ERC2: variants seen among roughly 807,000 people sequenced by gnomAD.
The protein encoded by ERC2 is ELKS/RAB6-interacting/CAST family member 2.
A neutral mutation model predicts 114.8 loss-of-function variants in ERC2; 42 were observed. The observed-to-expected ratio is 0.37, with a 90% CI of 0.29 to 0.47. The LOEUF (loss-of-function observed/expected upper bound fraction) is 0.47, where lower values mean the gene tolerates loss of function less well. Among genes scored for constraint, ERC2 ranks in the 20% least tolerant of loss-of-function variants. The probability of loss-of-function intolerance (pLI) is 0.99; values close to 1 mark genes in which losing one functional copy is unlikely to be tolerated. For missense variants in ERC2, 939 were observed against 1,150.7 expected (o/e 0.82, Z 2.66); for synonymous variants, 454 against 425.5 (o/e 1.07, Z -0.82).
chr3:55,516,065 G>A (rs1356979885), intron 17 of ERC2, among the ~76,000 whole-genome samples: 1 of 152,114 alleles, frequency 6.6e-6, no homozygotes, highest in East Asian at 1.9e-4. Flanking sequence ...CATTCACGAC[G>A]GCTTCAGATG....
intron 12 of ERC2, among the ~76,000 whole-genome samples, chr3:55,974,278 C>G (rs1301918834): frequency 6.6e-6 from 1 of 152,180 alleles, no homozygotes; most frequent in Non-Finnish European, 1.5e-5. Flanking sequence ...CGGACAGGGG[C>G]TAATACGTGG....
intron 6 of ERC2, among the ~76,000 whole-genome samples, chr3:56,106,779 G>C (rs930671005): frequency 6.6e-6 from 1 of 152,176 alleles, no homozygotes; most frequent in Non-Finnish European, 1.5e-5. Context: ...TCTTGTGCTA[G>C]CAAGTCACTG....
intron 2 of ERC2, among the ~76,000 whole-genome samples, chr3:56,339,279 G>A (rs902410300): frequency 6.6e-6 from 1 of 152,192 alleles, no homozygotes; most frequent in East Asian, 1.9e-4. Flanking sequence ...TAGAGGATGA[G>A]AGGGAAGTGT....
chr3:55,949,771 T>G (rs1247375770), intron 13 of ERC2, among the ~76,000 whole-genome samples: 2 of 152,178 alleles, frequency 1.3e-5, no homozygotes, highest in Non-Finnish European at 2.9e-5. Context: ...CTGGAATAAA[T>G]AAAGAAACTT....
chr3:56,285,224 G>A (rs976087029), intron 3 of ERC2, among the ~76,000 whole-genome samples: 3 of 151,572 alleles, frequency 2.0e-5, no homozygotes, highest in Admixed American at 2.0e-4. Flanking sequence ...AAGCAGATGG[G>A]GCTAGGAGTT....
chr3:55,889,153 C>A (rs1271895311), intron 13 of ERC2, among the ~76,000 whole-genome samples: 2 of 152,132 alleles, frequency 1.3e-5, no homozygotes, highest in Non-Finnish European at 1.5e-5. Context: ...TTTTGCCCAG[C>A]ACAATATACT....
intron 2 of ERC2, among the ~76,000 whole-genome samples, chr3:56,376,461 A>G (rs1211965281): frequency 3.1e-5 from 2 of 64,906 alleles, no homozygotes; most frequent in Non-Finnish European, 6.8e-5. Flanking sequence ...ATTGCTCCCA[A>G]AAAAAAAAAA....
At chr3:55,937,040 C>T (rs1263607202) in intron 13 of ERC2, among the ~76,000 whole-genome samples, 1 of 152,098 alleles carries the variant, frequency 6.6e-6, no homozygotes, top group African/African-American at 2.4e-5. Context: ...TAAAAACATC[C>T]CTTAGAAAAG....
chr3:56,057,518 A>G (rs568119476), intron 7 of ERC2, among the ~76,000 whole-genome samples: 4 of 152,350 alleles, frequency 2.6e-5, no homozygotes, highest in African/African-American at 7.2e-5. Flanking sequence ...GTGTTCTGGC[A>G]TAGCTGCATG....
At chr3:55,747,417 A>G (rs1392626851) in intron 14 of ERC2, among the ~76,000 whole-genome samples, 1 of 152,238 alleles carries the variant, frequency 6.6e-6, no homozygotes, top group Non-Finnish European at 1.5e-5. Context: ...CCCAGAATAA[A>G]ATAGATTGTC....
intron 7 of ERC2, among the ~76,000 whole-genome samples, chr3:56,050,754 T>C (rs1444788858): frequency 6.6e-6 from 1 of 152,226 alleles, no homozygotes; most frequent in South Asian, 2.1e-4. Context: ...AGCTTGACTT[T>C]TGTTTACTGA....
chr3:56,237,359 T>C (rs1171844638), intron 3 of ERC2, among the ~76,000 whole-genome samples: 2 of 152,214 alleles, frequency 1.3e-5, no homozygotes, highest in Admixed American at 6.5e-5. Flanking sequence ...CTTTCATCTT[T>C]ACTATGAAGC....
At chr3:56,412,215 C>T (rs1336691856) in intron 2 of ERC2, among the ~76,000 whole-genome samples, 1 of 152,152 alleles carries the variant, frequency 6.6e-6, no homozygotes, top group Non-Finnish European at 1.5e-5. Flanking sequence ...TGCTGGCAGC[C>T]ACCAAAAGGA....
chr3:56,305,517 C>CAT (rs922006864), intron 2 of ERC2, among the ~76,000 whole-genome samples: 1 of 50,814 alleles, frequency 2.0e-5, no homozygotes, highest in Admixed American at 1.6e-4. Context: ...CTTATCCACA[C>CAT]ACACACACAC....
At chr3:56,427,565 G>A (rs943205256) in intron 2 of ERC2, among the ~76,000 whole-genome samples, 43 of 152,098 alleles carry the variant, frequency 2.8e-4, no homozygotes, top group African/African-American at 1.0e-3. Flanking sequence ...CTGGAGATAG[G>A]GTCTTTACAG....
chr3:55,896,115 C>T lies in ERC2; in HGVS notation c.2404-7566G>A, dbSNP rs981184774. 2.0e-5 allele frequency among the ~76,000 whole-genome samples: 3 copies of T among 152,332 alleles called. No homozygotes were observed. The East Asian group carries it at 5.8e-4, about 29-fold the overall frequency. ...TGTCCTGGGACCTGGGAGATACACA[C>T]TCCTTTCCTTCATTCCACCACCTCG... On this transcript the variant is annotated intron_variant, in intron 13 of 17. Coordinates refer to ENST00000288221, the MANE Select transcript of ERC2 (RefSeq NM_015576.3).
intron 3 of ERC2, among the ~76,000 whole-genome samples, chr3:56,263,978 G>T (rs1298996584): frequency 2.6e-5 from 4 of 151,880 alleles, no homozygotes; most frequent in Non-Finnish European, 5.9e-5. Context: ...TATATCCCTG[G>T]GATGCAAGGT....
At chr3:55,641,751 T>C (rs959762654) in intron 17 of ERC2, among the ~76,000 whole-genome samples, 4 of 152,040 alleles carry the variant, frequency 2.6e-5, no homozygotes, top group Non-Finnish European at 5.9e-5. Context: ...TTGGTTATCA[T>C]GAATAAGGTG....
At chr3:56,232,163 G>T (rs1385055579) in intron 3 of ERC2, among the ~76,000 whole-genome samples, 4 of 148,806 alleles carry the variant, frequency 2.7e-5, no homozygotes, top group African/African-American at 9.9e-5. Flanking sequence ...GACAGAGCTG[G>T]GGTCTCTGTT....
Sources: gnomAD v4.1 joint callset for allele counts (sites outside exome capture counted in the v4.1 genomes callset) on GRCh38, gnomAD v4.1.1 for gene constraint, MANE v1.5 for transcripts, NCBI Gene and HGNC (gene_info 2026-07-23, HGNC 2026-07-21) for gene names.